The following GNAQ variants were observed in gnomAD, a reference collection of about 807,000 sequenced individuals.
The protein encoded by GNAQ is guanine nucleotide-binding protein G(q) subunit alpha.
Under a neutral mutation model 43.9 loss-of-function variants are expected in GNAQ, and 8 were observed. The ratio of observed to expected loss-of-function variants is 0.18; its 90% CI spans 0.11 to 0.33. The LOEUF is 0.33. Ranked by LOEUF, GNAQ falls within the 10% of genes least tolerant of loss-of-function variation. The probability of loss-of-function intolerance (pLI) is 1.00; values close to 1 mark genes in which losing one functional copy is unlikely to be tolerated. For synonymous variants in GNAQ, 155 were observed against 170.7 expected (o/e 0.91, Z 0.71); for missense variants, 158 against 450.8 (o/e 0.35, Z 5.88).
At chr9:77,877,504 C>T (rs1295848482) in intron 2 of GNAQ, among the ~76,000 whole-genome samples, 3 of 152,212 alleles carry the variant, frequency 2.0e-5, no homozygotes, top group Admixed American at 6.5e-5. Context: ...TTTATTGAGA[C>T]TCCTGTATTA....
intron 1 of GNAQ, among the ~76,000 whole-genome samples, chr9:78,028,990 C>G (rs986226572): frequency 1.1e-4 from 16 of 152,324 alleles, no homozygotes; most frequent in African/African-American, 3.8e-4. Flanking sequence ...AAAAAAAGTT[C>G]TCCACACTAC....
intron 1 of GNAQ, among the ~76,000 whole-genome samples, chr9:77,952,386 T>C (rs920374119): frequency 1.3e-5 from 2 of 152,214 alleles, no homozygotes; most frequent in Non-Finnish European, 2.9e-5. Flanking sequence ...AAAGAATACT[T>C]GTTTTATAAG....
At chr9:77,996,677 CAAAAAA>C (rs3083223) in intron 1 of GNAQ, among the ~76,000 whole-genome samples, 14 of 105,604 alleles carry the variant, frequency 1.3e-4, no homozygotes, top group East Asian at 5.5e-4. Context: ...GACTCCATCT[CAAAAAA>C]AAAAAAAAAA....
intron 1 of GNAQ, among the ~76,000 whole-genome samples, chr9:78,023,454 G>T (rs1442027802): frequency 6.6e-6 from 1 of 151,990 alleles, no homozygotes; most frequent in Non-Finnish European, 1.5e-5. Context: ...TAAATGGGTG[G>T]GTGGTATTCA....
At chr9:77,841,402 G>A (rs1468565426) in intron 2 of GNAQ, among the ~76,000 whole-genome samples, 1 of 152,148 alleles carries the variant, frequency 6.6e-6, no homozygotes, top group East Asian at 1.9e-4. Flanking sequence ...AAAGCTCTCA[G>A]TATATATTTA....
At chr9:77,747,542 C>T (rs956087286) in intron 5 of GNAQ, among the ~76,000 whole-genome samples, 15 of 152,128 alleles carry the variant, frequency 9.9e-5, no homozygotes, top group African/African-American at 3.6e-4. Flanking sequence ...TTTTCATAAA[C>T]ATCAGTTTAT....
At chr9:77,872,632 T>C (rs747601761) in intron 2 of GNAQ, among the ~76,000 whole-genome samples, 3 of 152,210 alleles carry the variant, frequency 2.0e-5, no homozygotes, top group Non-Finnish European at 4.4e-5. Context: ...TGACCATGAA[T>C]GTGTGTGACT....
intron 2 of GNAQ, among the ~76,000 whole-genome samples, chr9:77,917,846 T>C (rs1297787182): frequency 6.6e-6 from 1 of 152,186 alleles, no homozygotes; most frequent in African/African-American, 2.4e-5. Flanking sequence ...CAGTGCTTGT[T>C]TGGCAAAAAG....
intron 5 of GNAQ, among the ~76,000 whole-genome samples, chr9:77,753,334 G>A (rs539825357): frequency 1.8e-4 from 27 of 152,056 alleles, no homozygotes; most frequent in Admixed American, 1.6e-3. Context: ...AAAGGTTCAG[G>A]GTAAGATATG....
chr9:77,975,601 G>A (rs1440973394), intron 1 of GNAQ, among the ~76,000 whole-genome samples: 1 of 146,282 alleles, frequency 6.8e-6, no homozygotes, highest in Non-Finnish European at 1.5e-5. Context: ...GGGCAGTGGC[G>A]CGATCTCGGT....
At chr9:77,753,009 C>T (rs1405080303) in intron 5 of GNAQ, among the ~76,000 whole-genome samples, 1 of 149,994 alleles carries the variant, frequency 6.7e-6, no homozygotes, top group African/African-American at 2.5e-5. Flanking sequence ...ATGGCGTGAA[C>T]CCGGGAGGCG....
chr9:77,817,634 T>C (rs1268025875), intron 2 of GNAQ, among the ~76,000 whole-genome samples: 2 of 152,198 alleles, frequency 1.3e-5, no homozygotes, highest in African/African-American at 4.8e-5. Context: ...TGATTGTAAA[T>C]ATATAATGAA....
chr9:77,999,092 CAAAAAAAAAA>C (rs56358201), intron 1 of GNAQ, among the ~76,000 whole-genome samples: 2 of 52,574 alleles, frequency 3.8e-5, no homozygotes, highest in African/African-American at 1.0e-4. Flanking sequence ...AACTCTGTCT[CAAAAAAAAAA>C]AAAAAAAAAA....
chr9:77,919,736 G>A (rs1828968039), intron 2 of GNAQ, among the ~76,000 whole-genome samples: 1 of 152,154 alleles, frequency 6.6e-6, no homozygotes, highest in South Asian at 2.1e-4. Context: ...ATGATATGTA[G>A]GAGGATTTAT....
intron 5 of GNAQ, among the ~76,000 whole-genome samples, chr9:77,762,314 C>T (rs562446143): frequency 2.1e-5 from 3 of 143,426 alleles, no homozygotes; most frequent in South Asian, 2.2e-4. Context: ...GTCAGCCCCC[C>T]GCCCGGCCAG....
chr9:77,784,021 T>TA (rs1457340760), intron 5 of GNAQ, among the ~76,000 whole-genome samples: 1 of 152,040 alleles, frequency 6.6e-6, no homozygotes, highest in African/African-American at 2.4e-5. Flanking sequence ...AAAGAAGAAA[T>TA]ACGTAAGTTT....
chr9:77,851,482 C>G (rs541880490), intron 2 of GNAQ, among the ~76,000 whole-genome samples: 1 of 152,328 alleles, frequency 6.6e-6, no homozygotes, highest in South Asian at 2.1e-4. Context: ...GCTCTGATGT[C>G]ATTCTTGTCT....
chr9:77,835,423 G>GA (rs1423325001), intron 2 of GNAQ, among the ~76,000 whole-genome samples: 2 of 152,066 alleles, frequency 1.3e-5, no homozygotes, highest in Non-Finnish European at 2.9e-5. Context: ...GGCTAGTGAG[G>GA]AAAGGAAATC....
intron 1 of GNAQ, among the ~76,000 whole-genome samples, chr9:77,938,318 G>A (rs557137011): frequency 3.8e-4 from 58 of 152,214 alleles, no homozygotes; most frequent in Admixed American, 7.9e-4. Context: ...TGATGTAACC[G>A]CTTTGTTCTT....
Sources: gnomAD v4.1 joint callset for allele counts (sites outside exome capture counted in the v4.1 genomes callset) on GRCh38, gnomAD v4.1.1 for gene constraint, MANE v1.5 for transcripts, NCBI Gene and HGNC (gene_info 2026-07-23, HGNC 2026-07-21) for gene names.